FOXRED2: variants seen among roughly 807,000 people sequenced by gnomAD.
FOXRED2 encodes the protein FAD-dependent oxidoreductase domain-containing protein 2.
In FOXRED2, 32 loss-of-function variants were observed where a neutral mutation model predicts 52.5. The observed-to-expected ratio is 0.61, with a 90% confidence interval of 0.46 to 0.82. The LOEUF is 0.82. Ranked by LOEUF, FOXRED2 falls within the 40% of genes least tolerant of loss-of-function variation. The probability of loss-of-function intolerance (pLI) is 0.00; values close to 1 mark genes in which losing one functional copy is unlikely to be tolerated. For missense variants in FOXRED2, 848 were observed against 937.5 expected (o/e 0.90, Z 1.25); for synonymous variants, 405 against 398.1 (o/e 1.02, Z -0.21).
chr22:36,490,149 G>A lies in FOXRED2; in HGVS notation c.1914C>T (p.Ser638=), dbSNP rs140004875. 455 of 1,614,022 alleles carry A rather than the reference G, an allele frequency of 2.8e-4. No homozygotes were observed. The highest frequency in any genetic ancestry group is 8.2e-4 in the Middle Eastern group (5 of 6,080). Residue 638 remains serine (S), a synonymous_variant, in exon 9 of 9, where the codon AGC becomes AGT. Transcript: ENST00000397224. ...TESLWQHRVE[S]RLLRDYAPTG... ...TGGGGGCATAGTCCCGCAGGAGCCT[G>A]CTCTCCACTCTGTGCTGCCAAAGGC...
chr22:36,505,079 C>T (rs1934158243), intron 2 of FOXRED2, among the ~76,000 whole-genome samples: 1 of 152,166 alleles, frequency 6.6e-6, no homozygotes, highest in Non-Finnish European at 1.5e-5. Flanking sequence ...CCTAACTTTG[C>T]ACATAGCAGT....
chr22:36,505,835 G>C (rs1292181154), intron 2 of FOXRED2, 61 bp downstream of exon 2: 2 of 1,546,122 alleles, frequency 1.3e-6, no homozygotes, highest in Non-Finnish European at 1.8e-6. Flanking sequence ...GCCAATCAAG[G>C]TGTGTGGTTC....
In FOXRED2 at chr22:36,496,073, G is replaced by A. The variant is rs778811976; in HGVS notation, c.1518C>T (p.Pro506=). 11 of 1,614,198 alleles carry A rather than the reference G, an allele frequency of 6.8e-6. No homozygotes were observed. The highest frequency in any genetic ancestry group is 2.2e-5 in the South Asian group (2 of 91,078). ...GGTCATCAAAGAAGACGTCCTTGTC[G>A]GGGCCAGAGAAATTTCTGCCATATT... ...NMEYGRNFSG[P]DKDVFFDDRS... The change falls in exon 7 of 9, where the codon CCC becomes CCT. Residue 506 remains proline, a synonymous_variant. Coordinates refer to ENST00000397224, the MANE Select transcript of FOXRED2 (RefSeq NM_001102371.2).
intron 8 of FOXRED2, among the ~76,000 whole-genome samples, chr22:36,491,705 A>G (rs1933761326): frequency 6.6e-6 from 1 of 152,154 alleles, no homozygotes; most frequent in African/African-American, 2.4e-5. Flanking sequence ...ATCCAGAAAT[A>G]GATGCTGCCA....
Position 36,487,723 on chromosome 22 carries a change from C to T in FOXRED2, c.*2285G>A, listed in dbSNP as rs974149020. On this transcript the variant is annotated 3_prime_UTR_variant, in exon 9 of 9. Coordinates refer to ENST00000397224, the MANE Select transcript of FOXRED2 (RefSeq NM_001102371.2). ...ACAATTCGTCCCTGACAGAATAAGG[C>T]TACTGGAGTTCTCTTCTTGTAACTC... 2 of 152,130 alleles carry T rather than the reference C, an allele frequency of 1.3e-5. No homozygotes were observed. Among genetic ancestry groups the T allele is most frequent in the East Asian group, 3.8e-4 (2 of 5,198 alleles). The allele number at this position is 152,130 out of a possible 1,614,324, so 9.4% of individuals were successfully genotyped here.
rs1223427281 is a variant in FOXRED2 at position 36,488,993 on chromosome 22, G to C, written c.*1015C>G. 1 of 152,240 alleles carries C rather than the reference G, an allele frequency of 6.6e-6. No individual in the cohort carries two copies. The highest frequency in any genetic ancestry group is 1.5e-5 in the Non-Finnish European group (1 of 68,048). 9.4% of individuals were successfully genotyped at this position (152,240 alleles called of 1,614,324 possible). A position where few individuals can be genotyped will look rare whatever the true frequency, so the allele number is the denominator to read the frequency against. ...TGAGACTAAGACGCCTGATGGGAAA[G>C]TGCAGATTGCTGGTGAGGAAGGGCA... On this transcript the variant is annotated 3_prime_UTR_variant, in exon 9 of 9. Coordinates refer to ENST00000397224, the MANE Select transcript of FOXRED2 (RefSeq NM_001102371.2).
At position 36,506,174 on chromosome 22, in the gene FOXRED2, C is replaced by T. The variant is rs774066494; in HGVS notation, c.249G>A (p.Lys83=). Residue 83 remains lysine, a synonymous_variant, in exon 2 of 9, where the codon AAG becomes AAA. Coordinates refer to ENST00000397224, the MANE Select transcript of FOXRED2 (RefSeq NM_001102371.2). The part of the protein sequence containing the change: ...PRHRKLISIN[K]RYTGKANAEF... ...CGGCGTTAGCCTTGCCCGTGTACCG[C>T]TTGTTGATGCTGATGAGCTTGCGGT... 2.7e-5 allele frequency: 44 copies of T among 1,614,112 alleles called. No individual in the cohort carries two copies. Among genetic ancestry groups the T allele is most frequent in the Non-Finnish European group, 3.7e-5 (44 of 1,180,032 alleles).
intron 5 of FOXRED2, among the ~76,000 whole-genome samples, chr22:36,499,848 C>A (rs1026806884): frequency 6.6e-6 from 1 of 151,862 alleles, no homozygotes; most frequent in East Asian, 1.9e-4. Flanking sequence ...TTTGCCCAGG[C>A]TGGAGTGCAA....
intron 5 of FOXRED2, 132 bp downstream of exon 5, chr22:36,501,109 A>G: frequency 1.0e-6 from 1 of 969,236 alleles, no homozygotes; most frequent in Non-Finnish European, 1.5e-6. Context: ...CACTTCCCCA[A>G]GACAATTTAT....
In FOXRED2 at chr22:36,493,438, CAA is replaced by C. The variant is rs112901270; in HGVS notation, c.1795+193_1795+194del. Among the ~76,000 whole-genome samples the C allele has an allele frequency of 8.4e-3, 1,100 of 130,418 alleles. 9 individuals are homozygous for C. The highest frequency in any genetic ancestry group is 0.014 in the Non-Finnish European group (852 of 59,532). The allele number at this position is 130,418 out of a possible 152,430, so 85.6% of individuals were successfully genotyped here. ...TGGGCAACAGAGCGAGACTCCATCT[CAA>C]AAAAAAAAAAAAGAAGACATATTAT... On this transcript the variant is annotated intron_variant, in intron 8 of 8. Coordinates refer to ENST00000397224, the MANE Select transcript of FOXRED2 (RefSeq NM_001102371.2).
At chr22:36,505,818 C>A in intron 2 of FOXRED2, 78 bp downstream of exon 2, 1 of 1,442,536 alleles carries the variant, frequency 6.9e-7, no homozygotes, top group Non-Finnish European at 9.6e-7. Context: ...TCCTCCCATA[C>A]CTACTGGCCA....
rs1390984137 is a variant in FOXRED2, at chr22:36,501,312, A to C, written c.1145T>G (p.Leu382Arg). Reference protein sequence around the residue: ...ESKGSRGLFILGTASHSVDYR... With the variant: ...ESKGSRGLFIRGTASHSVDYR... ...GTCCACCGAGTGGCTGGCAGTACCC[A>C]GGATAAACAGACCCCGGCTTCCTTT... Residue 382 changes from leucine (L) to arginine (R), a missense_variant, in exon 5 of 9, where the codon CTG becomes CGG. Leu to Arg is a moderately radical substitution (Grantham distance 102). Coordinates refer to ENST00000397224, the MANE Select transcript of FOXRED2 (RefSeq NM_001102371.2). The C allele has an allele frequency of 6.2e-7, 1 of 1,614,154 alleles. No homozygotes were observed. The highest frequency in any genetic ancestry group is 1.1e-5 in the South Asian group (1 of 91,080).
rs538593818 is a variant in FOXRED2, at chr22:36,502,167, TCAAA to T, written c.1050-764_1050-761del. On this transcript the variant is annotated intron_variant, in intron 4 of 8. Coordinates refer to ENST00000397224, the MANE Select transcript of FOXRED2 (RefSeq NM_001102371.2). The stretch of plus-strand genomic sequence containing the variant: ...CTGGGCAACAGAGTAAGACTCTGTC[TCAAA>T]CAAACAAACAAACAAACAAACAATG... 9.7e-4 allele frequency among the ~76,000 whole-genome samples: 135 copies of T among 138,522 alleles called. 1 individual carries two copies. The highest frequency in any genetic ancestry group is 5.3e-3 in the East Asian group (25 of 4,758). 90.9% of individuals were successfully genotyped at this position (138,522 alleles called of 152,430 possible).
At chr22:36,504,019 T>TGAAC in intron 4 of FOXRED2, 79 bp downstream of exon 4, 2 of 1,484,146 alleles carry the variant, frequency 1.3e-6, no homozygotes, top group Non-Finnish European at 1.8e-6. Flanking sequence ...GCCAGCCTAC[T>TGAAC]GAACAGCCAC....
At chr22:36,501,697 G>A (rs976211329) in intron 4 of FOXRED2, among the ~76,000 whole-genome samples, 1 of 152,056 alleles carries the variant, frequency 6.6e-6, no homozygotes, top group Admixed American at 6.6e-5. Flanking sequence ...CTGACCTTAG[G>A]TGATCTGTCT....
At chr22:36,495,637 A>G (rs1188440091) in intron 7 of FOXRED2, among the ~76,000 whole-genome samples, 1 of 152,204 alleles carries the variant, frequency 6.6e-6, no homozygotes, top group African/African-American at 2.4e-5. Flanking sequence ...AACCAGCTCC[A>G]GTTCCCTCTA....
At chr22:36,498,928 C>G (rs866574548) in intron 5 of FOXRED2, among the ~76,000 whole-genome samples, 1 of 150,486 alleles carries the variant, frequency 6.6e-6, no homozygotes. Flanking sequence ...TCCACCTTAC[C>G]GTCTTCATTT....
At chr22:36,506,600 G>T in intron 1 of FOXRED2, 177 bp from the exon 2 acceptor site, 1 of 567,992 alleles carries the variant, frequency 1.8e-6, no homozygotes, top group South Asian at 3.5e-5. Context: ...GGGACTTGGG[G>T]CTCCCCGGAA....
At chr22:36,503,578 T>C (rs1321517992) in intron 4 of FOXRED2, among the ~76,000 whole-genome samples, 1 of 152,172 alleles carries the variant, frequency 6.6e-6, no homozygotes, top group African/African-American at 2.4e-5. Flanking sequence ...CCCTAAGTGC[T>C]GGGATTACAG....
Sources: gnomAD v4.1 joint callset for allele counts (sites outside exome capture counted in the v4.1 genomes callset) on GRCh38, gnomAD v4.1.1 for gene constraint, MANE v1.5 for transcripts, NCBI Gene and HGNC (gene_info 2026-07-23, HGNC 2026-07-21) for gene names.